Variants in KIAA1143 observed in about 807,000 individuals in gnomAD.
The protein encoded by KIAA1143 is uncharacterized protein KIAA1143.
In KIAA1143, 8 loss-of-function variants were observed where a neutral mutation model predicts 17.0. That is an observed-to-expected ratio of 0.47 (90% CI 0.28 to 0.85). KIAA1143 has a LOEUF of 0.85. KIAA1143 is among the 40% of genes least tolerant of loss of function. KIAA1143 has a pLI of 0.12. For synonymous variants in KIAA1143, 64 were observed against 67.8 expected (o/e 0.94, Z 0.27); for missense variants, 162 against 183.3 (o/e 0.88, Z 0.67).
chr3:44,757,560 T>C (rs1304397221), intron 1 of KIAA1143, among the ~76,000 whole-genome samples: 1 of 152,234 alleles, frequency 6.6e-6, no homozygotes, highest in African/African-American at 2.4e-5. Flanking sequence ...GGCACTGTGC[T>C]AGGTGCTGGG....
At chr3:44,761,044 C>G (rs1344761849) in intron 1 of KIAA1143, among the ~76,000 whole-genome samples, 1 of 152,108 alleles carries the variant, frequency 6.6e-6, no homozygotes, top group Non-Finnish European at 1.5e-5. Context: ...GAAACAGATT[C>G]AGGACATTCC....
At position 44,761,558 on chromosome 3, in the gene KIAA1143, C is replaced by G; in HGVS notation, c.45G>C (p.Pro15=). 5 of 1,614,106 alleles carry G rather than the reference C, an allele frequency of 3.1e-6. No homozygotes were observed. Among genetic ancestry groups the G allele is most frequent in the Non-Finnish European group, 4.2e-6 (5 of 1,180,036 alleles). The change falls in exon 1 of 3, where the codon CCG becomes CCC. Residue 15 remains proline, a synonymous_variant. Transcript: ENST00000296121. The stretch of plus-strand genomic sequence containing the variant: ...GTTCCTTGAAGCGGGCCAGAAACGC[C>G]GGCTCGGCTGGCCGCACGTACGATA... ...NQVSYVRPAE[P]AFLARFKERV...
intron 1 of KIAA1143, among the ~76,000 whole-genome samples, chr3:44,757,710 CTGTT>C (rs530030621): frequency 3.8e-4 from 58 of 152,276 alleles, no homozygotes; most frequent in African/African-American, 1.2e-3. Flanking sequence ...GAAAGAGTAA[CTGTT>C]TGGAGAGCTT....
intron 1 of KIAA1143, among the ~76,000 whole-genome samples, chr3:44,756,287 G>A (rs926635958): frequency 2.2e-4 from 33 of 152,328 alleles, no homozygotes; most frequent in African/African-American, 7.9e-4. Flanking sequence ...AGGGCCAGGC[G>A]CAGTGGCTCA....
At chr3:44,756,236 T>G (rs1486263432) in intron 1 of KIAA1143, among the ~76,000 whole-genome samples, 1 of 152,214 alleles carries the variant, frequency 6.6e-6, no homozygotes, top group Non-Finnish European at 1.5e-5. Flanking sequence ...CACTGATGAC[T>G]GTTCAGAGAC....
intron 1 of KIAA1143, among the ~76,000 whole-genome samples, chr3:44,757,765 AG>A (rs1358969548): frequency 1.3e-5 from 2 of 152,240 alleles, no homozygotes; most frequent in African/African-American, 4.8e-5. Flanking sequence ...AAAATAGGGC[AG>A]GAAGTGTTAA....
chr3:44,757,991 C>A (rs1037985278), intron 1 of KIAA1143, among the ~76,000 whole-genome samples: 1 of 152,124 alleles, frequency 6.6e-6, no homozygotes, highest in African/African-American at 2.4e-5. Context: ...ACACTAACTA[C>A]AGTTAGTATT....
In KIAA1143 at chr3:44,753,069, C is replaced by A. The variant is rs1473942386; in HGVS notation, c.*272G>T. 1 of 246,796 alleles carries A rather than the reference C, an allele frequency of 4.1e-6. No individual in the cohort carries two copies. Among genetic ancestry groups the A allele is most frequent in the East Asian group, 8.4e-5 (1 of 11,858 alleles). 15.3% of individuals were successfully genotyped at this position (246,796 alleles called of 1,614,324 possible). ...AGTTGTATTTATAAAATTTTGTTTACACACAAAAAATGTATTTTGCTTAAA... is the reference window on the plus strand; with the variant it reads ...AGTTGTATTTATAAAATTTTGTTTAAACACAAAAAATGTATTTTGCTTAAA... On this transcript the variant is annotated 3_prime_UTR_variant, in exon 3 of 3. Coordinates refer to ENST00000296121, the MANE Select transcript of KIAA1143 (RefSeq NM_020696.4).
chr3:44,757,198 T>C (rs1704986262), intron 1 of KIAA1143, among the ~76,000 whole-genome samples: 1 of 152,162 alleles, frequency 6.6e-6, no homozygotes, highest in Non-Finnish European at 1.5e-5. Context: ...GGTCTCATCT[T>C]CTCCTCATCG....
intron 1 of KIAA1143, among the ~76,000 whole-genome samples, chr3:44,759,038 A>AT (rs2125880960): frequency 6.6e-6 from 1 of 151,928 alleles, no homozygotes; most frequent in Non-Finnish European, 1.5e-5. Flanking sequence ...TAAATTTTGT[A>AT]TTTTTTGTAG....
At chr3:44,754,424 C>T (rs1704937009) in intron 1 of KIAA1143, 56 bp from the exon 2 acceptor site, 3 of 1,454,048 alleles carry the variant, frequency 2.1e-6, no homozygotes, top group African/African-American at 3.2e-5. Context: ...CAAACAGAAC[C>T]ACTGCCTCTA....
chr3:44,753,109 A>G lies in KIAA1143; in HGVS notation c.*232T>C, dbSNP rs1704912970. 6.0e-6 allele frequency: 2 copies of G among 334,406 alleles called. No homozygotes were observed. Among genetic ancestry groups the G allele is most frequent in the Non-Finnish European group, 1.1e-5 (2 of 186,206 alleles). The allele number at this position is 334,406 out of a possible 1,614,324, so 20.7% of individuals were successfully genotyped here. Reference sequence around the variant, plus strand: ...TTTTGCTTAAAAATATAATTTACATATATATACAACCACACAAGGGAAATA... The same window carrying G: ...TTTTGCTTAAAAATATAATTTACATGTATATACAACCACACAAGGGAAATA... On this transcript the variant is annotated 3_prime_UTR_variant, in exon 3 of 3. Transcript: ENST00000296121.
At chr3:44,756,267 G>A (rs1264239903) in intron 1 of KIAA1143, among the ~76,000 whole-genome samples, 1 of 152,178 alleles carries the variant, frequency 6.6e-6, no homozygotes, top group Non-Finnish European at 1.5e-5. Context: ...TAACTCTCAA[G>A]AAAGTGAATA....
At chr3:44,755,270 T>G (rs542036826) in intron 1 of KIAA1143, among the ~76,000 whole-genome samples, 1 of 152,228 alleles carries the variant, frequency 6.6e-6, no homozygotes, top group Admixed American at 6.5e-5. Flanking sequence ...AAAAACCTCA[T>G]GCACCCATTT....
intron 1 of KIAA1143, among the ~76,000 whole-genome samples, chr3:44,755,612 G>A (rs1453384923): frequency 6.6e-6 from 1 of 152,028 alleles, no homozygotes; most frequent in Non-Finnish European, 1.5e-5. Context: ...AAATTCCTAC[G>A]GCTTATTAAG....
intron 1 of KIAA1143, among the ~76,000 whole-genome samples, chr3:44,757,729 G>A (rs1471738205): frequency 1.3e-5 from 2 of 152,228 alleles, no homozygotes; most frequent in Non-Finnish European, 2.9e-5. Flanking sequence ...GAGCTTTGAA[G>A]GGTTTCGGAG....
chr3:44,757,480 C>G (rs975776968), intron 1 of KIAA1143, among the ~76,000 whole-genome samples: 7 of 152,172 alleles, frequency 4.6e-5, no homozygotes, highest in African/African-American at 1.7e-4. Flanking sequence ...AATATCCCTC[C>G]TCCACGAAGT....
At chr3:44,761,615 TAAAGACA>T (rs1559513411) in exon 1 of KIAA1143, 12 of 1,547,192 alleles carry the variant, frequency 7.8e-6, no homozygotes, top group Admixed American at 1.9e-5. Flanking sequence ...TAGCTCTGGG[TAAAGACA>T]GAAGACAGGT....
At chr3:44,756,221 G>A (rs982742812) in intron 1 of KIAA1143, among the ~76,000 whole-genome samples, 5 of 152,232 alleles carry the variant, frequency 3.3e-5, no homozygotes, top group African/African-American at 9.6e-5. Flanking sequence ...GACAGTGGCA[G>A]TAGCCACTGA....
Sources: gnomAD v4.1 joint callset for allele counts (sites outside exome capture counted in the v4.1 genomes callset) on GRCh38, gnomAD v4.1.1 for gene constraint, MANE v1.5 for transcripts, NCBI Gene and HGNC (gene_info 2026-07-23, HGNC 2026-07-21) for gene names.